VPS33B: variants seen among roughly 807,000 people sequenced by gnomAD.
VPS33B encodes VPS33B late endosome and lysosome associated.
VPS33B carries 80 observed loss-of-function variants against 95.3 expected under a neutral mutation model. The observed-to-expected ratio is 0.84, with a 90% CI of 0.70 to 1.01. VPS33B has a LOEUF of 1.01. VPS33B is among the 50% of genes least tolerant of loss of function. The pLI is 0.00. For missense variants in VPS33B, 715 were observed against 773.4 expected (o/e 0.92, Z 0.90); for synonymous variants, 280 against 280.4 (o/e 1.00, Z 0.01).
rs555697612 is a variant in VPS33B, at chr15:91,004,327, T to C, written c.1225+550A>G. On this transcript the variant is annotated intron_variant, in intron 16 of 22. Coordinates refer to ENST00000333371, the MANE Select transcript of VPS33B (RefSeq NM_018668.5). Reference sequence around the variant, plus strand: ...ACAAGTTGCCATGAAGGTTGCACAATCTGGAATTTTAGAAATGTTCATGAA... The same window carrying C: ...ACAAGTTGCCATGAAGGTTGCACAACCTGGAATTTTAGAAATGTTCATGAA... 3.4e-4 allele frequency among the ~76,000 whole-genome samples: 51 copies of C among 151,862 alleles called. 1 individual carries two copies. The South Asian group carries it at 0.011, about 32-fold the overall frequency.
In VPS33B at chr15:91,009,763, T is replaced by C; in HGVS notation, c.403+38A>G. 2 of 1,613,164 alleles carry C rather than the reference T, an allele frequency of 1.2e-6. No homozygotes were observed. Among genetic ancestry groups the C allele is most frequent in the Non-Finnish European group, 1.7e-6 (2 of 1,179,188 alleles). ...CAACAACAGTTTTTTCTTCTGTATG[T>C]TCTCTTTCCCTTTCCACTCACATTC... On this transcript the variant is annotated intron_variant, in intron 6 of 22. Transcript: ENST00000333371. The surrounding 1 kb of genome is among the most constrained non-coding windows in gnomAD (Gnocchi z 4.1).
Position 91,006,204 on chromosome 15 carries a change from T to A in VPS33B, c.853-145A>T. 7.5e-7 allele frequency: 1 copy of A among 1,327,896 alleles called. No individual in the cohort carries two copies. Among genetic ancestry groups the A allele is most frequent in the Non-Finnish European group, 1.1e-6 (1 of 931,380 alleles). The allele number at this position is 1,327,896 out of a possible 1,614,324, so 82.3% of individuals were successfully genotyped here. The stretch of plus-strand genomic sequence containing the variant: ...GATCTGTAAGTCCATATCAAATGCC[T>A]ACACCGTGTTCTAGGAGATGCTCTG... On this transcript the variant is annotated intron_variant, in intron 11 of 22. Transcript: ENST00000333371. The surrounding 1 kb of genome is among the most constrained non-coding windows in gnomAD (Gnocchi z 5.4).
In VPS33B at chr15:91,022,483, C is replaced by T. The variant is rs1005789795; in HGVS notation, c.-234G>A. The stretch of plus-strand genomic sequence containing the variant: ...CAGACCTGCAGCCACCGTGTCTCGA[C>T]CCTCCCTCCCTGATCCACTCTGCCC... On this transcript the variant is annotated 5_prime_UTR_variant, in exon 1 of 23. Transcript: ENST00000333371. 1.3e-5 allele frequency: 6 copies of T among 453,462 alleles called. No homozygotes were observed. Among genetic ancestry groups the T allele is most frequent in the Non-Finnish European group, 2.4e-5 (6 of 250,918 alleles). 28.1% of individuals were successfully genotyped at this position (453,462 alleles called of 1,614,324 possible). A position where few individuals can be genotyped will look rare whatever the true frequency, so the allele number is the denominator to read the frequency against.
intron 16 of VPS33B, among the ~76,000 whole-genome samples, chr15:91,004,229 A>AG: frequency 7.0e-6 from 1 of 142,332 alleles, no homozygotes; most frequent in African/African-American, 2.9e-5. Context: ...TCTTAAAAAA[A>AG]AAAAAAAGAA....
In VPS33B at chr15:91,005,511, A is replaced by G; in HGVS notation, c.1031-57T>C. ...CCTGGTTCTAGAAAGATGTCCCTTTATTGTCCGGAAGAATAAAAAACCTCC... is the reference window on the plus strand; with the variant it reads ...CCTGGTTCTAGAAAGATGTCCCTTTGTTGTCCGGAAGAATAAAAAACCTCC... On this transcript the variant is annotated intron_variant, in intron 13 of 22. Transcript: ENST00000333371. This position sits in a 1 kb window ranked among gnomAD's most constrained non-coding sequence, Gnocchi z 6.4. 6.2e-7 allele frequency: 1 copy of G among 1,611,618 alleles called. No individual in the cohort carries two copies. The highest frequency in any genetic ancestry group is 8.5e-7 in the Non-Finnish European group (1 of 1,177,834).
intron 6 of VPS33B, among the ~76,000 whole-genome samples, chr15:91,008,195 A>G (rs1430301414): frequency 1.3e-5 from 2 of 152,318 alleles, no homozygotes; most frequent in East Asian, 3.9e-4. Context: ...CCTGTAATAC[A>G]ATGTGATAAG....
intron 2 of VPS33B, 43 bp from the exon 3 acceptor site, chr15:91,017,067 G>GA (rs1483821445): frequency 6.3e-7 from 1 of 1,592,192 alleles, no homozygotes. Context: ...AAGAGTGCCT[G>GA]AAAAGCACAA....
At chr15:91,008,106 G>A in intron 6 of VPS33B, 142 bp from the exon 7 acceptor site, 1 of 770,028 alleles carries the variant, frequency 1.3e-6, no homozygotes, top group Admixed American at 2.0e-5. Context: ...AGCAATGGAG[G>A]CTCAAAGAAG....
intron 3 of VPS33B, among the ~76,000 whole-genome samples, chr15:91,016,500 C>T (rs2040932627): frequency 6.6e-6 from 1 of 150,514 alleles, no homozygotes; most frequent in Non-Finnish European, 1.5e-5. Context: ...TCGCCTGGCT[C>T]AGCCTCCTGA....
In VPS33B at chr15:90,999,839, C is replaced by G. The variant is rs1351067056; in HGVS notation, c.1658-46G>C. The G allele has an allele frequency of 1.2e-6, 2 of 1,613,798 alleles. No homozygotes were observed. Among genetic ancestry groups the G allele is most frequent in the African/African-American group, 2.7e-5 (2 of 75,022 alleles). On this transcript the variant is annotated intron_variant, in intron 21 of 22. Transcript: ENST00000333371. This position sits in a 1 kb window ranked among gnomAD's most constrained non-coding sequence, Gnocchi z 5.1. ...TCAGCCCTTCCCTGACATGCTAGTCCTGAGTGGTGCATCCAGCCCACCTCT... is the reference window on the plus strand; with the variant it reads ...TCAGCCCTTCCCTGACATGCTAGTCGTGAGTGGTGCATCCAGCCCACCTCT...
At position 91,007,867 on chromosome 15, in the gene VPS33B, T is replaced by C. The variant is rs2040660836; in HGVS notation, c.498+3A>G. On this transcript the variant is annotated splice_donor_region_variant and intron_variant, in intron 7 of 22. Transcript: ENST00000333371. The surrounding 1 kb of genome is among the most constrained non-coding windows in gnomAD (Gnocchi z 5.3). Reference sequence around the variant, plus strand: ...GCCAAGACACAAGGGCCTCTGCATTTACCAGAAAGTAATCCCTGAAAAATT... The same window carrying C: ...GCCAAGACACAAGGGCCTCTGCATTCACCAGAAAGTAATCCCTGAAAAATT... The C allele has an allele frequency of 1.9e-6, 3 of 1,614,068 alleles. No homozygotes were observed. Among genetic ancestry groups the C allele is most frequent in the Non-Finnish European group, 2.5e-6 (3 of 1,179,910 alleles).
rs1447401806 is a variant in VPS33B at position 91,011,984 on chromosome 15, G to A, written c.357+1820C>T. ...AGTCTGGGTGACAGAGCAATGCACT[G>A]TCTCCAAAAACAAAACAAAACAAAA... is the stretch of plus-strand genomic sequence containing the variant. On this transcript the variant is annotated intron_variant, in intron 5 of 22. Transcript: ENST00000333371. The surrounding 1 kb of genome is among the most constrained non-coding windows in gnomAD (Gnocchi z 5.5). Among the ~76,000 whole-genome samples, 1 of 144,444 alleles carries A rather than the reference G, an allele frequency of 6.9e-6. No individual in the cohort carries two copies. The highest frequency in any genetic ancestry group is 1.5e-5 in the Non-Finnish European group (1 of 67,312). 94.8% of individuals were successfully genotyped at this position (144,444 alleles called of 152,430 possible). A position where few individuals can be genotyped will look rare whatever the true frequency, so the allele number is the denominator to read the frequency against.
chr15:91,011,298 T>TA lies in VPS33B; in HGVS notation c.358-1453dup, dbSNP rs1470332364. ...CTTAAAATGGTTTAGGCATTGTTCT[T>TA]AGTGTTTTACAGGAATCACTTGTCT... On this transcript the variant is annotated intron_variant, in intron 5 of 22. Transcript: ENST00000333371. The surrounding 1 kb of genome is among the most constrained non-coding windows in gnomAD (Gnocchi z 5.5). Among the ~76,000 whole-genome samples the TA allele has an allele frequency of 3.9e-5, 6 of 152,246 alleles. No individual in the cohort carries two copies. The highest frequency in any genetic ancestry group is 1.4e-4 in the African/African-American group (6 of 41,462).
In VPS33B at chr15:91,005,265, C is replaced by T; in HGVS notation, c.1105+115G>A. The T allele has an allele frequency of 6.2e-7, 1 of 1,612,220 alleles. No homozygotes were observed. The highest frequency in any genetic ancestry group is 1.7e-5 in the Admixed American group (1 of 60,002). On this transcript the variant is annotated intron_variant, in intron 14 of 22. Transcript: ENST00000333371. The surrounding 1 kb of genome is among the most constrained non-coding windows in gnomAD (Gnocchi z 6.4). ...GGACTTCTAGCAGGAACCAGCATTC[C>T]ACATAGCCAGTGTCAGCTGGAAAGA... is the stretch of plus-strand genomic sequence containing the variant.
intron 5 of VPS33B, among the ~76,000 whole-genome samples, chr15:91,012,531 A>G (rs2040811362): frequency 6.6e-6 from 1 of 152,262 alleles, no homozygotes; most frequent in African/African-American, 2.4e-5. Context: ...GCCTGGTTTC[A>G]GAGGCTTCAG....
rs2040467028 is a variant in VPS33B at position 91,002,457 on chromosome 15, C to A, written c.1273-275G>T. On this transcript the variant is annotated intron_variant, in intron 17 of 22. Transcript: ENST00000333371. This position sits in a 1 kb window ranked among gnomAD's most constrained non-coding sequence, Gnocchi z 4.7. ...ACCAGCCTGGCCAACATGGTGAAAC[C>A]CCATCTCTACTAAAAATACAAAAAT... is the stretch of plus-strand genomic sequence containing the variant. Among the ~76,000 whole-genome samples the A allele has an allele frequency of 6.6e-6, 1 of 151,828 alleles. No individual in the cohort carries two copies. Among genetic ancestry groups the A allele is most frequent in the Non-Finnish European group, 1.5e-5 (1 of 67,928 alleles).
chr15:91,019,681 G>C (rs1435461119), intron 1 of VPS33B, among the ~76,000 whole-genome samples: 1 of 152,168 alleles, frequency 6.6e-6, no homozygotes, highest in Non-Finnish European at 1.5e-5. Context: ...CAGGAGGCAG[G>C]GAGTCCACTT....
At chr15:91,020,859 C>G (rs2041082360) in intron 1 of VPS33B, among the ~76,000 whole-genome samples, 1 of 152,116 alleles carries the variant, frequency 6.6e-6, no homozygotes, top group African/African-American at 2.4e-5. Flanking sequence ...CCAGCCTGGG[C>G]AACGGAGTGA....
At position 91,017,789 on chromosome 15, in the gene VPS33B, G is replaced by A; in HGVS notation, c.177+16C>T. 1 of 1,613,618 alleles carries A rather than the reference G, an allele frequency of 6.2e-7. No homozygotes were observed. Among genetic ancestry groups the A allele is most frequent in the Non-Finnish European group, 8.5e-7 (1 of 1,179,532 alleles). On this transcript the variant is annotated intron_variant, in intron 2 of 22. Transcript: ENST00000333371. ...GCTTAAAGAGGGGCATGGCCCCCAG[G>A]GGAAAGGGACAGTACCTTCAGGATG...
Sources: allele counts gnomAD v4.1 joint callset (sites outside exome capture counted in the v4.1 genomes callset), GRCh38; gene constraint gnomAD v4.1.1; non-coding constraint Gnocchi (gnomAD v3.1); transcripts MANE v1.5; gene names NCBI Gene and HGNC (gene_info 2026-07-23, HGNC 2026-07-21).